STK38L: variants seen among roughly 807,000 people sequenced by gnomAD.
The protein encoded by STK38L is serine/threonine kinase 38 like.
A neutral mutation model predicts 59.7 loss-of-function variants in STK38L; 28 were observed. The observed-to-expected ratio is 0.47, with a 90% CI of 0.35 to 0.64. The LOEUF (loss-of-function observed/expected upper bound fraction) is 0.64, where lower values mean the gene tolerates loss of function less well. Ranked by LOEUF, STK38L falls within the 30% of genes least tolerant of loss-of-function variation. The probability of loss-of-function intolerance (pLI) is 0.01; values close to 1 mark genes in which losing one functional copy is unlikely to be tolerated. For synonymous variants in STK38L, 162 were observed against 176.8 expected (o/e 0.92, Z 0.66); for missense variants, 314 against 555.8 (o/e 0.56, Z 4.37).
chr12:27,302,075 A>G, intron 2 of STK38L, 62 bp from the exon 3 acceptor site: 2 of 1,383,960 alleles, frequency 1.4e-6, no homozygotes, highest in East Asian at 4.8e-5. Context: ...ATAAATGTAT[A>G]TTTCTTAAGT....
At chr12:27,300,823 A>G (rs1373911030) in intron 2 of STK38L, among the ~76,000 whole-genome samples, 7 of 152,230 alleles carry the variant, frequency 4.6e-5, no homozygotes, top group African/African-American at 1.4e-4. Flanking sequence ...AAATGTTACA[A>G]ATCTTCTATA....
At chr12:27,281,520 CTG>C (rs1293190261) in intron 1 of STK38L, among the ~76,000 whole-genome samples, 3 of 152,214 alleles carry the variant, frequency 2.0e-5, no homozygotes, top group African/African-American at 7.2e-5. Flanking sequence ...AATAACCTCT[CTG>C]TGCCCTGGTT....
At chr12:27,252,155 A>G (rs1942988881) in intron 1 of STK38L, among the ~76,000 whole-genome samples, 1 of 152,010 alleles carries the variant, frequency 6.6e-6, no homozygotes, top group Non-Finnish European at 1.5e-5. Context: ...AATTTTTTGT[A>G]TTTTTAGTAG....
intron 1 of STK38L, among the ~76,000 whole-genome samples, chr12:27,287,797 A>G (rs1943806910): frequency 6.6e-6 from 1 of 152,128 alleles, no homozygotes; most frequent in Admixed American, 6.5e-5. Context: ...TTCCAGTACT[A>G]TTAATTGAAT....
chr12:27,302,018 G>GT (rs34324091), intron 2 of STK38L, 119 bp from the exon 3 acceptor site: 42,136 of 541,724 alleles, frequency 0.078, no homozygotes, highest in East Asian at 0.11. Context: ...CAACTTGAAA[G>GT]TTTTTTTTTT....
At chr12:27,252,996 G>A (rs1451504634) in intron 1 of STK38L, among the ~76,000 whole-genome samples, 2 of 152,178 alleles carry the variant, frequency 1.3e-5, no homozygotes, top group East Asian at 1.9e-4. Flanking sequence ...AAGTGACAAC[G>A]GAGTAACAGG....
chr12:27,245,655 G>A (rs1405325612), intron 1 of STK38L: 1 of 152,014 alleles, frequency 6.6e-6, no homozygotes, highest in Non-Finnish European at 1.5e-5. Flanking sequence ...TGGCTGAGAG[G>A]TATTGTATGT....
At chr12:27,303,249 G>A (rs997740701) in intron 3 of STK38L, among the ~76,000 whole-genome samples, 9 of 151,836 alleles carry the variant, frequency 5.9e-5, no homozygotes, top group African/African-American at 2.2e-4. Context: ...ATGGTGGTAC[G>A]TGCCTGTAGT....
chr12:27,260,545 C>T (rs747759734), intron 1 of STK38L, among the ~76,000 whole-genome samples: 1 of 152,116 alleles, frequency 6.6e-6, no homozygotes, highest in Non-Finnish European at 1.5e-5. Context: ...TACCACTCCC[C>T]CTCACTCTCT....
chr12:27,315,139 C>T (rs781547747), intron 8 of STK38L, 22 bp downstream of exon 8: 2 of 1,601,886 alleles, frequency 1.2e-6, no homozygotes, highest in South Asian at 1.1e-5. Flanking sequence ...TGTTGTTTTT[C>T]TTCTTTCCCC....
intron 4 of STK38L, 26 bp from the exon 5 acceptor site, chr12:27,309,088 T>TA: frequency 6.5e-7 from 1 of 1,529,402 alleles, no homozygotes; most frequent in Non-Finnish European, 8.8e-7. Context: ...GTGACTGTTT[T>TA]ATAATATATG....
In STK38L at chr12:27,312,549, G is replaced by A; in HGVS notation, c.394G>A (p.Val132Met). ...RKSDMLEKEQ[V>M]AHIRAERDIL... is the part of the protein sequence containing the mutation. ...TTTTTTCAAAAATATATTCATCTAG[G>A]TGGCCCATATCCGAGCAGAAAGAGA... is the stretch of plus-strand genomic sequence containing the variant. Residue 132 changes from valine (V) to methionine (M), a missense_variant and splice_region_variant, in exon 6 of 14, where the codon GTG becomes ATG. Around this residue, in one of 3 missense-constraint regions of STK38L, gnomAD observed 192 missense variants for 316.9 expected, o/e 0.61. Coordinates refer to ENST00000389032, the MANE Select transcript of STK38L (RefSeq NM_015000.4). 6.2e-7 allele frequency: 1 copy of A among 1,612,324 alleles called. No homozygotes were observed. The highest frequency in any genetic ancestry group is 1.1e-5 in the South Asian group (1 of 90,548).
At chr12:27,258,717 C>G (rs1462735139) in intron 1 of STK38L, among the ~76,000 whole-genome samples, 1 of 152,168 alleles carries the variant, frequency 6.6e-6, no homozygotes, top group South Asian at 2.1e-4. Flanking sequence ...TACATTTTCT[C>G]TATTAAATTT....
rs186569402 is a variant in STK38L at position 27,287,009 on chromosome 12, T to C, written c.-11-10701T>C. Among the ~76,000 whole-genome samples the C allele has an allele frequency of 9.8e-5, 15 of 152,338 alleles. No homozygotes were observed. The East Asian group carries it at 2.7e-3, about 27-fold the overall frequency. ...TTATGTATCCATTTATTAGGGTCTT[T>C]ATTGTCTCCTTTCGACTTTAACATT... On this transcript the variant is annotated intron_variant, in intron 1 of 13. Coordinates refer to ENST00000389032, the MANE Select transcript of STK38L (RefSeq NM_015000.4).
intron 1 of STK38L, among the ~76,000 whole-genome samples, chr12:27,265,428 CTAT>C (rs1340286295): frequency 3.9e-5 from 6 of 152,048 alleles, no homozygotes; most frequent in African/African-American, 7.2e-5. Context: ...AATTGGAGCT[CTAT>C]TATTGAACAT....
chr12:27,264,421 A>G (rs1419261612), intron 1 of STK38L, among the ~76,000 whole-genome samples: 3 of 152,134 alleles, frequency 2.0e-5, no homozygotes, highest in Non-Finnish European at 4.4e-5. Context: ...GGAATGGGAG[A>G]GATTAACTAA....
In STK38L at chr12:27,322,251, T is replaced by C; in HGVS notation, c.1267+17T>C. The stretch of plus-strand genomic sequence containing the variant: ...TACAACCAGGTAAGACAATCTGTAA[T>C]GTAACTAACCCTATTAAAAGTCTTT... On this transcript the variant is annotated intron_variant, in intron 13 of 13. Coordinates refer to ENST00000389032, the MANE Select transcript of STK38L (RefSeq NM_015000.4). The C allele has an allele frequency of 2.5e-6, 4 of 1,613,570 alleles. No homozygotes were observed. Among genetic ancestry groups the C allele is most frequent in the East Asian group, 2.2e-5 (1 of 44,868 alleles).
intron 1 of STK38L, among the ~76,000 whole-genome samples, chr12:27,253,214 T>C (rs183750988): frequency 5.1e-4 from 77 of 152,354 alleles, no homozygotes; most frequent in African/African-American, 1.8e-3. Context: ...TTGAACCCTT[T>C]GAACTTAGAG....
chr12:27,265,833 TTTTG>T lies in STK38L; in HGVS notation c.-12+21506_-12+21509del, dbSNP rs576992387. On this transcript the variant is annotated intron_variant, in intron 1 of 13. Coordinates refer to ENST00000389032, the MANE Select transcript of STK38L (RefSeq NM_015000.4). ...CTGATTTCTGTTGAAGCATGATTAA[TTTTG>T]TTTGCTTCTAAGCAATGTAGCTACC... 1.2e-4 allele frequency among the ~76,000 whole-genome samples: 18 copies of T among 152,288 alleles called. No individual in the cohort carries two copies. The South Asian group carries it at 2.5e-3, about 21-fold the overall frequency.
Sources: gnomAD v4.1 joint callset for allele counts (sites outside exome capture counted in the v4.1 genomes callset) on GRCh38, gnomAD v4.1.1 for gene constraint, gnomAD v4.1.1 regional missense constraint, MANE v1.5 for transcripts, NCBI Gene and HGNC (gene_info 2026-07-23, HGNC 2026-07-21) for gene names.